Variants in ATF7IP2 observed in about 807,000 individuals in gnomAD.
ATF7IP2 encodes activating transcription factor 7-interacting protein 2.
In ATF7IP2, 42 loss-of-function variants were observed where a neutral mutation model predicts 64.2. The observed-to-expected ratio is 0.65, with a 90% CI of 0.51 to 0.85. The LOEUF is 0.85. Among genes scored for constraint, ATF7IP2 ranks in the 40% least tolerant of loss-of-function variants. The probability of loss-of-function intolerance (pLI) is 0.00; values close to 1 mark genes in which losing one functional copy is unlikely to be tolerated. For missense variants in ATF7IP2, 933 were observed against 784.2 expected (o/e 1.19, Z -2.27); for synonymous variants, 308 against 272.8 (o/e 1.13, Z -1.27).
intron 1 of ATF7IP2, among the ~76,000 whole-genome samples, chr16:10,395,076 C>T (rs374053599): frequency 2.0e-5 from 3 of 151,886 alleles, no homozygotes; most frequent in East Asian, 3.9e-4. Flanking sequence ...TTCAGCTAAA[C>T]TGAGCACAAA....
rs1380323640 is a variant in ATF7IP2, at chr16:10,438,253, T to G, written c.1095+18T>G. 6.3e-7 allele frequency: 1 copy of G among 1,594,414 alleles called. No homozygotes were observed. The highest frequency in any genetic ancestry group is 8.5e-7 in the Non-Finnish European group (1 of 1,172,394). ...AACTTTTGGTAAGTTTTGATTTCATTTGAGTCTTTTTTAGGGGAGTAGGGG... is the reference window on the plus strand; with the variant it reads ...AACTTTTGGTAAGTTTTGATTTCATGTGAGTCTTTTTTAGGGGAGTAGGGG... On this transcript the variant is annotated intron_variant, in intron 7 of 13. Transcript: ENST00000562102.
At chr16:10,399,198 C>T (rs976566604) in intron 1 of ATF7IP2, among the ~76,000 whole-genome samples, 37 of 152,136 alleles carry the variant, frequency 2.4e-4, no homozygotes, top group African/African-American at 8.2e-4. Flanking sequence ...AATTGTACAA[C>T]GGTATTGTTG....
Position 10,481,952 on chromosome 16 carries a change from A to G in ATF7IP2, c.1752A>G (p.Lys584=), listed in dbSNP as rs755089656. The G allele has an allele frequency of 6.2e-7, 1 of 1,614,184 alleles. No individual in the cohort carries two copies. The highest frequency in any genetic ancestry group is 1.7e-5 in the Admixed American group (1 of 60,026). ...LPPQKPELKV[K]RVFRPNGIAL... The stretch of plus-strand genomic sequence containing the variant: ...CCCAGAAGCCTGAGCTCAAAGTGAA[A>G]CGGGTTTTCAGACCCAATGGCATTG... Residue 584 remains lysine (K), a synonymous_variant, in exon 14 of 14, where the codon AAA becomes AAG. Transcript: ENST00000562102.
At chr16:10,459,941 A>C (rs2049318600) in intron 9 of ATF7IP2, among the ~76,000 whole-genome samples, 1 of 152,160 alleles carries the variant, frequency 6.6e-6, no homozygotes, top group South Asian at 2.1e-4. Flanking sequence ...AATGCCAAAA[A>C]ATCGGGGGAA....
Position 10,457,404 on chromosome 16 carries a change from G to C in ATF7IP2, c.1227G>C (p.Lys409Asn), listed in dbSNP as rs780334449. 1 of 1,607,622 alleles carries C rather than the reference G, an allele frequency of 6.2e-7. No individual in the cohort carries two copies. The highest frequency in any genetic ancestry group is 8.5e-7 in the Non-Finnish European group (1 of 1,178,082). The change falls in exon 9 of 14, where the codon AAG (lysine) becomes AAC (asparagine). Residue 409 changes from lysine (K) to asparagine (N), a missense_variant. Transcript: ENST00000562102. The stretch of plus-strand genomic sequence containing the variant: ...ATTCAGAGGCTATGATTTTGGATAA[G>C]AATCTTGAGTCAGTTAATAGTCCAA... ...VANSEAMILD[K>N]NLESVNSPIE... is the part of the protein sequence containing the mutation.
At chr16:10,460,473 C>A (rs1160642598) in intron 9 of ATF7IP2, among the ~76,000 whole-genome samples, 1 of 152,090 alleles carries the variant, frequency 6.6e-6, no homozygotes, top group Non-Finnish European at 1.5e-5. Context: ...TATTACAAAG[C>A]TACAGTAATA....
intron 1 of ATF7IP2, among the ~76,000 whole-genome samples, chr16:10,394,800 G>A (rs1013413820): frequency 3.3e-5 from 5 of 152,078 alleles, no homozygotes; most frequent in African/African-American, 1.2e-4. Context: ...ATACTTTGAG[G>A]TGAATGAAAA....
intron 2 of ATF7IP2, among the ~76,000 whole-genome samples, chr16:10,414,890 C>G (rs910244613): frequency 2.6e-5 from 4 of 151,980 alleles, no homozygotes; most frequent in African/African-American, 9.7e-5. Context: ...TGTTATCTCT[C>G]TTTAAAATTA....
intron 9 of ATF7IP2, among the ~76,000 whole-genome samples, chr16:10,467,820 T>C (rs927236585): frequency 6.6e-6 from 1 of 151,596 alleles, no homozygotes; most frequent in African/African-American, 2.4e-5. Flanking sequence ...CACAAAGTGC[T>C]GGGATTACAG....
intron 1 of ATF7IP2, among the ~76,000 whole-genome samples, chr16:10,400,985 A>G (rs995445616): frequency 2.6e-5 from 4 of 152,084 alleles, no homozygotes; most frequent in African/African-American, 9.7e-5. Context: ...TATAGGTATG[A>G]GCCACCCTGG....
At chr16:10,406,942 C>T (rs2047652422) in intron 1 of ATF7IP2, among the ~76,000 whole-genome samples, 1 of 152,032 alleles carries the variant, frequency 6.6e-6, no homozygotes, top group Non-Finnish European at 1.5e-5. Flanking sequence ...CAAACAGACA[C>T]ATAAAAATAA....
At chr16:10,416,890 T>C (rs2047890221) in intron 2 of ATF7IP2, among the ~76,000 whole-genome samples, 1 of 152,226 alleles carries the variant, frequency 6.6e-6, no homozygotes, top group South Asian at 2.1e-4. Flanking sequence ...TAGTTATACA[T>C]TTAAAAATAA....
intron 8 of ATF7IP2, chr16:10,454,293 C>G (rs1290771404): frequency 6.6e-6 from 1 of 151,160 alleles, no homozygotes; most frequent in Non-Finnish European, 1.5e-5. Flanking sequence ...GCCTGTAATC[C>G]CAGCTACTTG....
intron 9 of ATF7IP2, among the ~76,000 whole-genome samples, chr16:10,463,290 A>G (rs77068952): frequency 0.021 from 3,189 of 152,334 alleles, 63 homozygotes; most frequent in Non-Finnish European, 0.032. Flanking sequence ...GAGACACAGC[A>G]CCTGTGATGG....
intron 8 of ATF7IP2, chr16:10,446,957 T>C (rs1013593075): frequency 2.0e-5 from 3 of 150,402 alleles, no homozygotes; most frequent in African/African-American, 7.4e-5. Flanking sequence ...CCACTGGAGG[T>C]TTCTCGCACT....
At position 10,482,171 on chromosome 16, in the gene ATF7IP2, A is replaced by G. The variant is rs1373134757; in HGVS notation, c.1971A>G (p.Gln657=). The change falls in exon 14 of 14, where the codon CAA becomes CAG. Residue 657 remains glutamine, a synonymous_variant. Coordinates refer to ENST00000562102, the MANE Select transcript of ATF7IP2 (RefSeq NM_001393719.1). ...CCAACAGATACTATTTTACTGTCCAATCAAAAGATATTTTTGGACGATATG... is the reference window on the plus strand; with the variant it reads ...CCAACAGATACTATTTTACTGTCCAGTCAAAAGATATTTTTGGACGATATG... ...LASNRYYFTV[Q]SKDIFGRYGP... 1.2e-6 allele frequency: 2 copies of G among 1,613,344 alleles called. No individual in the cohort carries two copies. The highest frequency in any genetic ancestry group is 1.1e-5 in the South Asian group (1 of 91,016).
chr16:10,458,805 C>A (rs1047108147), intron 9 of ATF7IP2, among the ~76,000 whole-genome samples: 1 of 152,152 alleles, frequency 6.6e-6, no homozygotes, highest in South Asian at 2.1e-4. Flanking sequence ...TAGATGCAGC[C>A]GTCCTAAACA....
chr16:10,457,650 T>C, intron 9 of ATF7IP2, 121 bp downstream of exon 9: 3 of 807,016 alleles, frequency 3.7e-6, no homozygotes, highest in Middle Eastern at 3.9e-4. Context: ...TAAAATGTCC[T>C]ATAGTTTTAC....
chr16:10,431,272 A>G lies in ATF7IP2; in HGVS notation c.652A>G (p.Ile218Val). 6.2e-7 allele frequency: 1 copy of G among 1,614,210 alleles called. No homozygotes were observed. The highest frequency in any genetic ancestry group is 8.5e-7 in the Non-Finnish European group (1 of 1,180,024). Residue 218 changes from isoleucine (I) to valine (V), a missense_variant, in exon 5 of 14, where the codon ATT becomes GTT. Coordinates refer to ENST00000562102, the MANE Select transcript of ATF7IP2 (RefSeq NM_001393719.1). ...ACATGATAAAAGGCAAAGTGACAAC[A>G]TTTTATGTTCAGAAGACTCAGGTTT... The part of the protein sequence containing the change: ...ESHDKRQSDN[I>V]LCSEDSGFVP...
Sources: allele counts gnomAD v4.1 joint callset (sites outside exome capture counted in the v4.1 genomes callset), GRCh38; gene constraint gnomAD v4.1.1; transcripts MANE v1.5; gene names NCBI Gene and HGNC (gene_info 2026-07-23, HGNC 2026-07-21).